Variants in SNTG1 observed in about 807,000 individuals in gnomAD.
SNTG1 encodes gamma-1-syntrophin.
SNTG1 carries 39 observed loss-of-function variants against 74.7 expected under a neutral mutation model. That is an observed-to-expected ratio of 0.52 (90% confidence interval 0.40 to 0.68). SNTG1 has a LOEUF of 0.68. Ranked by LOEUF, SNTG1 falls within the 30% of genes least tolerant of loss-of-function variation. The pLI is 0.00. For missense variants in SNTG1, 685 were observed against 609.5 expected (o/e 1.12, Z -1.30); for synonymous variants, 254 against 217.1 (o/e 1.17, Z -1.49).
rs534907201 is a variant in SNTG1 at position 50,301,342 on chromosome 8, A to G, written c.-27-92870A>G. On this transcript the variant is annotated intron_variant, in intron 2 of 18. Coordinates refer to ENST00000642720, the MANE Select transcript of SNTG1 (RefSeq NM_018967.5). ...CTGATTCTCTATTCTAGCAGCTCAT[A>G]TATACTATAACCCTATAGCAAAAAA... Among the ~76,000 whole-genome samples the G allele has an allele frequency of 6.6e-5, 10 of 152,228 alleles. No individual in the cohort carries two copies. In the South Asian group the frequency reaches 1.7e-3, roughly 25 times the overall value.
chr8:50,764,351 A>T (rs2095608137), intron 18 of SNTG1, among the ~76,000 whole-genome samples: 1 of 151,968 alleles, frequency 6.6e-6, no homozygotes, highest in Non-Finnish European at 1.5e-5. Flanking sequence ...CATGGGAGAA[A>T]TATTTATAAG....
At chr8:50,552,365 AC>A (rs1380437709) in intron 11 of SNTG1, among the ~76,000 whole-genome samples, 1 of 151,970 alleles carries the variant, frequency 6.6e-6, no homozygotes, top group African/African-American at 2.4e-5. Context: ...GTCTATGACA[AC>A]AAAAACAAAA....
At chr8:50,751,565 C>T (rs1479745449) in intron 17 of SNTG1, among the ~76,000 whole-genome samples, 1 of 152,002 alleles carries the variant, frequency 6.6e-6, no homozygotes, top group African/African-American at 2.4e-5. Context: ...CTCATGAAAG[C>T]ACCATGTCAG....
chr8:50,455,382 G>T (rs6983633), intron 8 of SNTG1, among the ~76,000 whole-genome samples: 1 of 152,074 alleles, frequency 6.6e-6, no homozygotes, highest in Non-Finnish European at 1.5e-5. Context: ...CTCATGAATA[G>T]AATTTATTAG....
At chr8:50,566,233 T>C (rs1316871208) in intron 12 of SNTG1, among the ~76,000 whole-genome samples, 1 of 151,954 alleles carries the variant, frequency 6.6e-6, no homozygotes, top group African/African-American at 2.4e-5. Flanking sequence ...CTCCAACAAA[T>C]ACACTCCTCA....
chr8:49,917,995 A>T (rs1232873357), intron 1 of SNTG1, among the ~76,000 whole-genome samples: 1 of 152,188 alleles, frequency 6.6e-6, no homozygotes, highest in Non-Finnish European at 1.5e-5. Flanking sequence ...AGCGAAACAG[A>T]CTACATGCTA....
At chr8:50,417,743 G>T (rs1226765259) in intron 4 of SNTG1, among the ~76,000 whole-genome samples, 2 of 152,022 alleles carry the variant, frequency 1.3e-5, no homozygotes, top group Admixed American at 1.3e-4. Context: ...CCTTCACTGA[G>T]AAAATGAAGC....
chr8:50,003,524 T>G (rs1281291974), intron 1 of SNTG1, among the ~76,000 whole-genome samples: 1 of 152,184 alleles, frequency 6.6e-6, no homozygotes, highest in Non-Finnish European at 1.5e-5. Context: ...AATTTAAGAA[T>G]AGAAGGCAAT....
intron 1 of SNTG1, among the ~76,000 whole-genome samples, chr8:50,049,738 A>G (rs543639301): frequency 6.6e-6 from 1 of 152,256 alleles, no homozygotes; most frequent in Non-Finnish European, 1.5e-5. Context: ...ATTTAAAATA[A>G]TAGAAACATA....
intron 4 of SNTG1, among the ~76,000 whole-genome samples, chr8:50,423,174 G>T (rs993422304): frequency 1.3e-5 from 2 of 152,120 alleles, no homozygotes; most frequent in African/African-American, 2.4e-5. Context: ...GACTATAGTG[G>T]AATCAAAGTA....
intron 1 of SNTG1, among the ~76,000 whole-genome samples, chr8:50,028,621 G>C (rs1418165163): frequency 6.6e-6 from 1 of 151,714 alleles, no homozygotes; most frequent in African/African-American, 2.4e-5. Context: ...GGATAGCATT[G>C]GGAGATATAC....
intron 18 of SNTG1, among the ~76,000 whole-genome samples, chr8:50,782,321 C>T (rs979380966): frequency 1.3e-5 from 2 of 152,206 alleles, no homozygotes; most frequent in African/African-American, 4.8e-5. Context: ...GTTCCATTCT[C>T]CCCGTCACTT....
chr8:50,121,174 A>C (rs1052623587), intron 1 of SNTG1, among the ~76,000 whole-genome samples: 1 of 142,832 alleles, frequency 7.0e-6, no homozygotes, highest in African/African-American at 2.5e-5. Flanking sequence ...GTGCCTCTGA[A>C]TATAACAACA....
chr8:50,444,759 A>AG (rs2093390235), intron 5 of SNTG1, among the ~76,000 whole-genome samples: 1 of 120,678 alleles, frequency 8.3e-6, no homozygotes, highest in South Asian at 3.2e-4. Flanking sequence ...CAGAAAAAAA[A>AG]AAAAAAAAGA....
intron 1 of SNTG1, among the ~76,000 whole-genome samples, chr8:50,016,083 G>A (rs925748395): frequency 3.9e-5 from 6 of 152,030 alleles, no homozygotes; most frequent in African/African-American, 2.4e-5. Context: ...GTTTCACAGG[G>A]ATTCAGAAAG....
intron 1 of SNTG1, among the ~76,000 whole-genome samples, chr8:50,133,923 TAAC>T (rs2081390891): frequency 6.6e-6 from 1 of 152,158 alleles, no homozygotes; most frequent in Admixed American, 6.5e-5. Flanking sequence ...TCAATGTAAT[TAAC>T]AAAAGAAGTC....
At chr8:50,498,454 G>T (rs1266659578) in intron 8 of SNTG1, among the ~76,000 whole-genome samples, 4 of 151,688 alleles carry the variant, frequency 2.6e-5, no homozygotes, top group Non-Finnish European at 5.9e-5. Context: ...TTAGGCGTTT[G>T]TATTATTATT....
chr8:49,988,818 C>T (rs1488825532), intron 1 of SNTG1, among the ~76,000 whole-genome samples: 1 of 151,704 alleles, frequency 6.6e-6, no homozygotes, highest in African/African-American at 2.4e-5. Context: ...ATTTAAAGAA[C>T]ATTTCAAATG....
chr8:50,715,467 G>A (rs1222515926), intron 17 of SNTG1, among the ~76,000 whole-genome samples: 1 of 152,124 alleles, frequency 6.6e-6, no homozygotes, highest in East Asian at 1.9e-4. Flanking sequence ...AGCCAGTACT[G>A]ACACATAGCT....
Sources: allele counts gnomAD v4.1 joint callset (sites outside exome capture counted in the v4.1 genomes callset), GRCh38; gene constraint gnomAD v4.1.1; transcripts MANE v1.5; gene names NCBI Gene and HGNC (gene_info 2026-07-23, HGNC 2026-07-21).